The following UPP1 variants were observed in gnomAD, a reference collection of about 807,000 sequenced individuals.
UPP1 encodes the protein UPase 1.
UPP1 carries 25 observed loss-of-function variants against 29.6 expected under a neutral mutation model. The ratio of observed to expected loss-of-function variants is 0.85; its 90% CI spans 0.62 to 1.18. The LOEUF (loss-of-function observed/expected upper bound fraction) is 1.18. UPP1 is among the 50% of genes most tolerant of loss of function. UPP1 has a pLI of 0.00. For synonymous variants in UPP1, 165 were observed against 159.8 expected (o/e 1.03, Z -0.25); for missense variants, 368 against 410.4 (o/e 0.90, Z 0.89).
At chr7:48,091,924 A>G (rs1791859451) in intron 2 of UPP1, among the ~76,000 whole-genome samples, 1 of 152,194 alleles carries the variant, frequency 6.6e-6, no homozygotes. Flanking sequence ...CCTAGAGAGA[A>G]ACATCCTTAC....
intron 4 of UPP1, among the ~76,000 whole-genome samples, chr7:48,100,516 T>C (rs1485817441): frequency 6.6e-6 from 1 of 152,250 alleles, no homozygotes; most frequent in East Asian, 1.9e-4. Flanking sequence ...GTTAATTGCC[T>C]TTAATGTCTT....
At chr7:48,107,323 A>G (rs1366159275) in intron 7 of UPP1, 38 bp from the exon 8 acceptor site, 1 of 1,583,818 alleles carries the variant, frequency 6.3e-7, no homozygotes, top group Non-Finnish European at 8.6e-7. Context: ...GGAGCTTCTC[A>G]CATGCATGTG....
Position 48,101,696 on chromosome 7 carries a change from G to T in UPP1, c.163-128G>T, listed in dbSNP as rs1258076393. 5 of 1,082,866 alleles carry T rather than the reference G, an allele frequency of 4.6e-6. No homozygotes were observed. The African/African-American group carries it at 6.3e-5, about 14-fold the overall frequency. The allele number at this position is 1,082,866 out of a possible 1,614,324, so 67.1% of individuals were successfully genotyped here. On this transcript the variant is annotated intron_variant, in intron 4 of 8. Coordinates refer to ENST00000395564, the MANE Select transcript of UPP1 (RefSeq NM_003364.4). ...GGCCCCTTAGATTCAGCAGGTCCTGGTGAGGCCAGTGAACTTATATTTTTA... is the reference window on the plus strand; with the variant it reads ...GGCCCCTTAGATTCAGCAGGTCCTGTTGAGGCCAGTGAACTTATATTTTTA...
chr7:48,107,635 C>A (rs1230481917), intron 8 of UPP1, 128 bp downstream of exon 8: 1 of 1,119,942 alleles, frequency 8.9e-7, no homozygotes, highest in African/African-American at 1.6e-5. Context: ...TCCGCTGCCC[C>A]CAAGTCACTT....
intron 3 of UPP1, among the ~76,000 whole-genome samples, chr7:48,095,047 A>G (rs966552167): frequency 2.6e-5 from 4 of 152,298 alleles, no homozygotes; most frequent in Non-Finnish European, 5.9e-5. Context: ...CTTGATTCTT[A>G]GGACATGTTG....
At chr7:48,090,707 C>T (rs1347666486) in intron 2 of UPP1, among the ~76,000 whole-genome samples, 1 of 152,198 alleles carries the variant, frequency 6.6e-6, no homozygotes, top group African/African-American at 2.4e-5. Context: ...TTGTCTCTCC[C>T]GCCTTTCAGT....
Position 48,099,658 on chromosome 7 carries a change from GTTT to G in UPP1, c.45-8_45-6del. 6.3e-7 allele frequency: 1 copy of G among 1,585,574 alleles called. No homozygotes were observed. The highest frequency in any genetic ancestry group is 8.7e-7 in the Non-Finnish European group (1 of 1,154,652). ...TGTTCTATAAGCCTTCCACTTTCTTGTTTTTTAACAGTGATTGCCCCGTCAGAC... is the reference window on the plus strand; with the variant it reads ...TGTTCTATAAGCCTTCCACTTTCTTGTTTAACAGTGATTGCCCCGTCAGAC... On this transcript the variant is annotated splice_polypyrimidine_tract_variant and intron_variant, in intron 3 of 8. Transcript: ENST00000395564.
intron 8 of UPP1, 126 bp from the exon 9 acceptor site, chr7:48,108,092 A>G: frequency 2.1e-6 from 3 of 1,407,842 alleles, no homozygotes; most frequent in Admixed American, 4.2e-5. Context: ...GCCTGACTGC[A>G]TGGGCAGCCT....
intron 3 of UPP1, among the ~76,000 whole-genome samples, chr7:48,099,410 C>T (rs902447033): frequency 6.6e-6 from 1 of 152,186 alleles, no homozygotes; most frequent in Non-Finnish European, 1.5e-5. Context: ...TGTGTACTTT[C>T]GTGTGCTCTT....
At chr7:48,106,778 C>T (rs1367110984) in intron 6 of UPP1, 95 bp from the exon 7 acceptor site, 2 of 1,134,490 alleles carry the variant, frequency 1.8e-6, no homozygotes, top group African/African-American at 3.0e-5. Context: ...CTGCTTCTTT[C>T]TTCCATATGC....
chr7:48,101,821 C>A lies in UPP1; in HGVS notation c.163-3C>A. On this transcript the variant is annotated splice_polypyrimidine_tract_variant and splice_region_variant and intron_variant, in intron 4 of 8. Coordinates refer to ENST00000395564, the MANE Select transcript of UPP1 (RefSeq NM_003364.4). ...AATGGGGGTCTCTCTTCTCTGGCTG[C>A]AGTTTGTGTGTGTTGGTGGAAGCCC... 1 of 1,613,332 alleles carries A rather than the reference C, an allele frequency of 6.2e-7. No individual in the cohort carries two copies. Among genetic ancestry groups the A allele is most frequent in the South Asian group, 1.1e-5 (1 of 90,978 alleles).
intron 4 of UPP1, among the ~76,000 whole-genome samples, chr7:48,100,910 CT>C (rs148106734): frequency 3.3e-5 from 5 of 150,072 alleles, no homozygotes; most frequent in African/African-American, 4.9e-5. Flanking sequence ...TATCTTCAGA[CT>C]TTTTTTTTTA....
chr7:48,102,012 C>G (rs760538260), intron 5 of UPP1, 30 bp downstream of exon 5: 6 of 1,603,280 alleles, frequency 3.7e-6, no homozygotes, highest in Non-Finnish European at 5.1e-6. Flanking sequence ...TGTGCTCAGT[C>G]TCTAGGCTCT....
chr7:48,096,033 A>G (rs1262042598), intron 3 of UPP1, among the ~76,000 whole-genome samples: 2 of 152,148 alleles, frequency 1.3e-5, no homozygotes, highest in African/African-American at 4.8e-5. Context: ...CAGTTTCTGG[A>G]GCTCCCCTCC....
In UPP1 at chr7:48,107,382, C is replaced by T; in HGVS notation, c.668C>T (p.Ala223Val). 6.2e-7 allele frequency: 1 copy of T among 1,613,490 alleles called. No homozygotes were observed. The change falls in exon 8 of 9, where the codon GCT becomes GTT. Residue 223 changes from alanine (A) to valine (V), a missense_variant. Transcript: ENST00000395564. The stretch of plus-strand genomic sequence containing the variant: ...TCAGGGCAAGGCCGTCTGGATGGGG[C>T]TCTCTGCTCCTACACGGAGAAGGAC... Reference protein sequence around the residue: ...FYEGQGRLDGALCSYTEKDKQ... With the variant: ...FYEGQGRLDGVLCSYTEKDKQ...
intron 6 of UPP1, 87 bp from the exon 7 acceptor site, chr7:48,106,786 T>A: frequency 8.2e-7 from 1 of 1,216,702 alleles, no homozygotes; most frequent in Non-Finnish European, 1.2e-6. Context: ...TTCTTCCATA[T>A]GCTCTGCTGT....
At chr7:48,094,877 A>G (rs924944764) in intron 3 of UPP1, 50 bp downstream of exon 3, 3 of 1,595,606 alleles carry the variant, frequency 1.9e-6, no homozygotes, top group Admixed American at 1.7e-5. Flanking sequence ...TGGGTTGTTT[A>G]TAGAGCATAT....
chr7:48,091,070 C>T (rs1367605453), intron 2 of UPP1, among the ~76,000 whole-genome samples: 2 of 152,092 alleles, frequency 1.3e-5, no homozygotes, highest in Non-Finnish European at 2.9e-5. Context: ...AAATATATAA[C>T]AGAAAATGAA....
At chr7:48,095,893 C>T (rs1053633578) in intron 3 of UPP1, among the ~76,000 whole-genome samples, 12 of 152,160 alleles carry the variant, frequency 7.9e-5, no homozygotes, top group Non-Finnish European at 1.6e-4. Context: ...GTGATCCACC[C>T]GCCTCAGTCT....
Sources: allele counts gnomAD v4.1 joint callset (sites outside exome capture counted in the v4.1 genomes callset), GRCh38; gene constraint gnomAD v4.1.1; transcripts MANE v1.5; gene names NCBI Gene and HGNC (gene_info 2026-07-23, HGNC 2026-07-21).